The following ARHGEF28 variants were observed in gnomAD, a reference collection of about 807,000 sequenced individuals.
ARHGEF28 encodes the protein Rho guanine nucleotide exchange factor 28.
In ARHGEF28, 152 loss-of-function variants were observed where a neutral mutation model predicts 206.6. The ratio of observed to expected loss-of-function variants is 0.74; its 90% CI spans 0.64 to 0.84. ARHGEF28 has a LOEUF of 0.84. ARHGEF28 is among the 40% of genes least tolerant of loss of function. The pLI, the probability that ARHGEF28 is intolerant of heterozygous loss-of-function variation, is 0.00. For missense variants in ARHGEF28, 2,028 were observed against 2,073.2 expected (o/e 0.98, Z 0.42); for synonymous variants, 763 against 776.4 (o/e 0.98, Z 0.29).
intron 9 of ARHGEF28, among the ~76,000 whole-genome samples, chr5:73,795,909 T>C (rs1754776064): frequency 6.6e-6 from 1 of 152,260 alleles, no homozygotes; most frequent in Non-Finnish European, 1.5e-5. Context: ...GATTTGAGTC[T>C]GATGTGAGTG....
At position 73,729,167 on chromosome 5, in the gene ARHGEF28, C is replaced by CTG. The variant is rs199821112; in HGVS notation, c.34-20665_34-20664dup. 7.3e-3 allele frequency among the ~76,000 whole-genome samples: 1,118 copies of CTG among 152,264 alleles called. 13 individuals carry two copies. The highest frequency in any genetic ancestry group is 0.025 in the African/African-American group (1,059 of 41,540). ...CTGCCTGGCTCAGCCTCCTGACAAGCTGTGTGATCTTAGGCAAGTTATTTA... is the reference window on the plus strand; with the variant it reads ...CTGCCTGGCTCAGCCTCCTGACAAGCTGTGTGTGATCTTAGGCAAGTTATTTA... On this transcript the variant is annotated intron_variant, in intron 2 of 35. Transcript: ENST00000513042.
At chr5:73,718,697 C>T (rs562030026) in intron 2 of ARHGEF28, among the ~76,000 whole-genome samples, 1 of 152,330 alleles carries the variant, frequency 6.6e-6, no homozygotes, top group East Asian at 1.9e-4. Context: ...CTGTCACATT[C>T]TCCATACAGC....
intron 2 of ARHGEF28, among the ~76,000 whole-genome samples, chr5:73,743,310 T>C (rs1751542972): frequency 6.6e-6 from 1 of 152,346 alleles, no homozygotes; most frequent in South Asian, 2.1e-4. Context: ...TTCCATTACT[T>C]CTCTGAGTGG....
intron 4 of ARHGEF28, among the ~76,000 whole-genome samples, chr5:73,772,099 C>A (rs13354599): frequency 0.039 from 5,928 of 152,136 alleles, 132 homozygotes; most frequent in East Asian, 0.078. Flanking sequence ...CTATCTATAT[C>A]TCTATAGATA....
chr5:73,800,525 G>A (rs543581532), intron 9 of ARHGEF28, among the ~76,000 whole-genome samples: 71 of 152,186 alleles, frequency 4.7e-4, no homozygotes, highest in Non-Finnish European at 8.5e-4. Flanking sequence ...TAATATGTAA[G>A]ATGAGGAAAA....
chr5:73,735,102 A>G (rs1272130895), intron 2 of ARHGEF28, among the ~76,000 whole-genome samples: 3 of 152,106 alleles, frequency 2.0e-5, no homozygotes, highest in Admixed American at 6.5e-5. Flanking sequence ...TAGATATTCA[A>G]TAAATGTTTC....
At chr5:73,663,167 G>T (rs1018650321) in intron 1 of ARHGEF28, among the ~76,000 whole-genome samples, 1 of 152,122 alleles carries the variant, frequency 6.6e-6, no homozygotes, top group Non-Finnish European at 1.5e-5. Flanking sequence ...TGTTGGCCAG[G>T]CTGGTCTCGA....
At chr5:73,808,552 C>T (rs1483401389) in intron 9 of ARHGEF28, among the ~76,000 whole-genome samples, 1 of 152,148 alleles carries the variant, frequency 6.6e-6, no homozygotes, top group Non-Finnish European at 1.5e-5. Flanking sequence ...GACATGGTGG[C>T]TTCTAAGGGA....
At chr5:73,923,285 A>G (rs1239799098) in intron 35 of ARHGEF28, 1 of 738,256 alleles carries the variant, frequency 1.4e-6, no homozygotes, top group African/African-American at 4.2e-5. Flanking sequence ...AAAGCATGGT[A>G]AAAAAAAATC....
chr5:73,738,330 G>A (rs1751144160), intron 2 of ARHGEF28, among the ~76,000 whole-genome samples: 1 of 152,184 alleles, frequency 6.6e-6, no homozygotes, highest in East Asian at 1.9e-4. Flanking sequence ...TTGCTGTAAT[G>A]TAAGGGGTTT....
intron 18 of ARHGEF28, 97 bp downstream of exon 18, chr5:73,866,110 C>G (rs1342884562): frequency 2.6e-5 from 28 of 1,063,498 alleles, no homozygotes; most frequent in Non-Finnish European, 3.8e-5. Context: ...TCTCATTTAT[C>G]CAGTTATTTC....
At position 73,873,379 on chromosome 5, in the gene ARHGEF28, C is replaced by T. The variant is rs950813472; in HGVS notation, c.2814+133C>T. 3.1e-5 allele frequency: 38 copies of T among 1,222,830 alleles called. No homozygotes were observed. In the South Asian group the frequency reaches 5.9e-4, roughly 19 times the overall value. The allele number at this position is 1,222,830 out of a possible 1,614,324, so 75.7% of individuals were successfully genotyped here. On this transcript the variant is annotated intron_variant, in intron 22 of 35. Transcript: ENST00000513042. The stretch of plus-strand genomic sequence containing the variant: ...AGTGACATTCTGAGGATGTGTTTAC[C>T]ATCGTTAGATTGTAACTCCCAGTAA...
chr5:73,774,953 G>A (rs997686415), intron 5 of ARHGEF28, among the ~76,000 whole-genome samples: 10 of 152,306 alleles, frequency 6.6e-5, no homozygotes, highest in Middle Eastern at 3.4e-3. Context: ...GGAACTCAAT[G>A]TAATTAATTT....
chr5:73,780,800 T>C, intron 7 of ARHGEF28, 55 bp downstream of exon 7: 1 of 1,530,042 alleles, frequency 6.5e-7, no homozygotes. Context: ...GGACCAACAA[T>C]CTAACCAGTC....
chr5:73,728,222 A>G (rs1168008743), intron 2 of ARHGEF28, among the ~76,000 whole-genome samples: 3 of 152,356 alleles, frequency 2.0e-5, no homozygotes, highest in South Asian at 2.1e-4. Flanking sequence ...AGAACAAAGT[A>G]GAGCATTGCT....
intron 1 of ARHGEF28, among the ~76,000 whole-genome samples, chr5:73,681,589 C>T (rs35092674): frequency 0.41 from 61,529 of 151,746 alleles, 13,683 homozygotes; most frequent in East Asian, 0.68. Context: ...CTGAGGCAGG[C>T]GGATCACTTG....
At chr5:73,774,123 A>G (rs1184962128) in intron 5 of ARHGEF28, 85 bp downstream of exon 5, 1 of 1,285,902 alleles carries the variant, frequency 7.8e-7, no homozygotes, top group East Asian at 2.5e-5. Flanking sequence ...CCAAACCACA[A>G]GCTAATGTTG....
intron 2 of ARHGEF28, among the ~76,000 whole-genome samples, chr5:73,711,176 G>A (rs768225739): frequency 8.5e-5 from 13 of 152,094 alleles, no homozygotes; most frequent in East Asian, 3.9e-4. Flanking sequence ...GCTATGTACC[G>A]TGTTTTGTTG....
At chr5:73,807,532 T>G (rs1041507568) in intron 9 of ARHGEF28, among the ~76,000 whole-genome samples, 9 of 151,656 alleles carry the variant, frequency 5.9e-5, no homozygotes, top group African/African-American at 2.2e-4. Context: ...TTGCCCAGGC[T>G]GGAGTGCAAT....
Sources: allele counts gnomAD v4.1 joint callset (sites outside exome capture counted in the v4.1 genomes callset), GRCh38; gene constraint gnomAD v4.1.1; transcripts MANE v1.5; gene names NCBI Gene and HGNC (gene_info 2026-07-23, HGNC 2026-07-21).